Variants in GSAP observed in about 807,000 individuals in gnomAD.
GSAP encodes gamma-secretase activating protein.
GSAP carries 118 observed loss-of-function variants against 131.7 expected under a neutral mutation model. The observed-to-expected ratio is 0.90, with a 90% confidence interval of 0.77 to 1.04. GSAP has a LOEUF of 1.04. Among genes scored for constraint, GSAP ranks in the 50% least tolerant of loss-of-function variants. The pLI is 0.00. For synonymous variants in GSAP, 381 were observed against 363.4 expected (o/e 1.05, Z -0.55); for missense variants, 1,019 against 1,013.2 (o/e 1.01, Z -0.08).
At chr7:77,375,125 G>A in intron 10 of GSAP, 24 bp from the exon 11 acceptor site, 2 of 1,475,130 alleles carry the variant, frequency 1.4e-6, no homozygotes, top group Non-Finnish European at 1.9e-6. Flanking sequence ...CAAAGAAAAT[G>A]AACCCAAAAT....
chr7:77,343,794 TTC>T (rs1279824762), intron 19 of GSAP, among the ~76,000 whole-genome samples: 1 of 152,186 alleles, frequency 6.6e-6, no homozygotes, highest in Non-Finnish European at 1.5e-5. Flanking sequence ...GCCCATTCTA[TTC>T]TGTCATCATT....
intron 7 of GSAP, among the ~76,000 whole-genome samples, chr7:77,381,574 G>T (rs1202232543): frequency 6.6e-6 from 1 of 152,032 alleles, no homozygotes; most frequent in Non-Finnish European, 1.5e-5. Flanking sequence ...TTCAAGTCCT[G>T]CATTTATTCT....
chr7:77,335,617 G>C (rs1301274430), intron 19 of GSAP, among the ~76,000 whole-genome samples: 1 of 151,476 alleles, frequency 6.6e-6, no homozygotes, highest in African/African-American at 2.4e-5. Flanking sequence ...GATTTGGATT[G>C]CCAATTGATC....
At chr7:77,394,934 A>G (rs981927769) in intron 5 of GSAP, among the ~76,000 whole-genome samples, 1 of 152,246 alleles carries the variant, frequency 6.6e-6, no homozygotes, top group Non-Finnish European at 1.5e-5. Flanking sequence ...AACATGATAA[A>G]GTTGTGAGGT....
At position 77,349,243 on chromosome 7, in the gene GSAP, C is replaced by T; in HGVS notation, c.1545+108G>A. 5 of 843,354 alleles carry T rather than the reference C, an allele frequency of 5.9e-6. No homozygotes were observed. In the South Asian group the frequency reaches 7.3e-5, roughly 12 times the overall value. The allele number at this position is 843,354 out of a possible 1,614,324, so 52.2% of individuals were successfully genotyped here. A position where few individuals can be genotyped will look rare whatever the true frequency, so the allele number is the denominator to read the frequency against. On this transcript the variant is annotated intron_variant, in intron 19 of 30. Coordinates refer to ENST00000257626, the MANE Select transcript of GSAP (RefSeq NM_017439.4). ...AGAAAACCCACCCTACTGCCTTGCCCTCCCCTCCCCTGCCAATTTGCAATC... is the reference window on the plus strand; with the variant it reads ...AGAAAACCCACCCTACTGCCTTGCCTTCCCCTCCCCTGCCAATTTGCAATC...
intron 22 of GSAP, 45 bp downstream of exon 22, chr7:77,328,561 A>C: frequency 6.3e-7 from 1 of 1,596,818 alleles, no homozygotes; most frequent in Non-Finnish European, 8.5e-7. Context: ...TACAAACAAA[A>C]CACTGACTGG....
At chr7:77,320,882 C>A in intron 25 of GSAP, 63 bp from the exon 26 acceptor site, 1 of 1,000,770 alleles carries the variant, frequency 1.0e-6, no homozygotes, top group South Asian at 1.3e-5. Context: ...TCCATTTGTC[C>A]TAAGCAGTGG....
At chr7:77,327,986 T>C (rs1038712008) in intron 22 of GSAP, among the ~76,000 whole-genome samples, 4 of 152,216 alleles carry the variant, frequency 2.6e-5, no homozygotes, top group Admixed American at 2.6e-4. Flanking sequence ...CTATGTTAGG[T>C]GCTATCTGCA....
intron 19 of GSAP, among the ~76,000 whole-genome samples, chr7:77,331,636 T>C (rs1445177736): frequency 6.6e-6 from 1 of 152,214 alleles, no homozygotes; most frequent in Non-Finnish European, 1.5e-5. Context: ...GTTTGAAATG[T>C]GTTTTGGAGT....
chr7:77,367,099 G>C (rs1795437404), intron 12 of GSAP, among the ~76,000 whole-genome samples: 2 of 152,204 alleles, frequency 1.3e-5, no homozygotes, highest in Admixed American at 1.3e-4. Context: ...TGCTGAAGTT[G>C]TTTATCAGTT....
In GSAP at chr7:77,390,946, T is replaced by TTA. The variant is rs71531149; in HGVS notation, c.368-3499_368-3498insTA. Among the ~76,000 whole-genome samples the TTA allele has an allele frequency of 2.1e-3, 80 of 37,944 alleles. 4 individuals carry two copies. Among genetic ancestry groups the TTA allele is most frequent in the African/African-American group, 7.5e-3 (77 of 10,294 alleles). The allele number at this position is 37,944 out of a possible 152,430, so 24.9% of individuals were successfully genotyped here. A position where few individuals can be genotyped will look rare whatever the true frequency, so the allele number is the denominator to read the frequency against. ...CCTGGTGACAGAGCGAGACTCCGTC[T>TTA]AAAAAAAAAAAAAAAAAAAAAAAAA... On this transcript the variant is annotated intron_variant, in intron 5 of 30. Transcript: ENST00000257626.
At chr7:77,330,923 T>C in intron 19 of GSAP, 1 of 894,598 alleles carries the variant, frequency 1.1e-6, no homozygotes, top group Non-Finnish European at 1.3e-6. Flanking sequence ...GTCAGCATTC[T>C]ATCTAGATCT....
rs1187752987 is a variant in GSAP at position 77,310,832 on chromosome 7, C to G, written c.*526G>C. 6.6e-6 allele frequency: 1 copy of G among 152,168 alleles called. No individual in the cohort carries two copies. Among genetic ancestry groups the G allele is most frequent in the African/African-American group, 2.4e-5 (1 of 41,432 alleles). The allele number at this position is 152,168 out of a possible 1,614,324, so 9.4% of individuals were successfully genotyped here. On this transcript the variant is annotated 3_prime_UTR_variant, in exon 31 of 31. Coordinates refer to ENST00000257626, the MANE Select transcript of GSAP (RefSeq NM_017439.4). ...ATAAAAAAAAATAAATATGTTTCAT[C>G]TGAATTCACAAAGACAAACCCTGCT... is the stretch of plus-strand genomic sequence containing the variant.
chr7:77,381,714 T>C (rs1797840565), intron 7 of GSAP, among the ~76,000 whole-genome samples: 1 of 152,142 alleles, frequency 6.6e-6, no homozygotes, highest in African/African-American at 2.4e-5. Context: ...GCAGAGTTTA[T>C]TCTTCAATTC....
chr7:77,323,229 C>T (rs1023153149), intron 24 of GSAP, among the ~76,000 whole-genome samples: 1 of 152,148 alleles, frequency 6.6e-6, no homozygotes, highest in African/African-American at 2.4e-5. Context: ...AGTATTAATA[C>T]AAGTGAGCTA....
chr7:77,357,537 GTCCAA>G (rs1257206199), intron 14 of GSAP, among the ~76,000 whole-genome samples: 1 of 152,180 alleles, frequency 6.6e-6, no homozygotes, highest in Non-Finnish European at 1.5e-5. Context: ...AGTCAGGGGT[GTCCAA>G]TCTTTTGGGT....
Position 77,312,206 on chromosome 7 carries a change from T to C in GSAP, c.2272-4A>G. On this transcript the variant is annotated splice_region_variant and splice_polypyrimidine_tract_variant and intron_variant, in intron 28 of 30. Transcript: ENST00000257626. The stretch of plus-strand genomic sequence containing the variant: ...TACAAATCTTCTGCCCAATAAGCTA[T>C]TATGCAAATTGAAAAAAATGTAGCG... 1.3e-6 allele frequency: 2 copies of C among 1,513,702 alleles called. No homozygotes were observed. The highest frequency in any genetic ancestry group is 1.2e-5 in the South Asian group (1 of 84,016). 93.8% of individuals were successfully genotyped at this position (1,513,702 alleles called of 1,614,324 possible). A position where few individuals can be genotyped will look rare whatever the true frequency, so the allele number is the denominator to read the frequency against.
chr7:77,402,616 A>AAAAAAAAAAAAAAAAAAAAAAAAT lies in GSAP; in HGVS notation c.243+1942_243+1943insATTTTTTTTTTTTTTTTTTTTTTT, dbSNP rs375595494. ...CTCAAAAAAAAAAAAAAAAAAAAAA[A>AAAAAAAAAAAAAAAAAAAAAAAAT]GAATTTTAAAGCCCATCTAGATTTG... On this transcript the variant is annotated intron_variant, in intron 3 of 30. Coordinates refer to ENST00000257626, the MANE Select transcript of GSAP (RefSeq NM_017439.4). Among the ~76,000 whole-genome samples the AAAAAAAAAAAAAAAAAAAAAAAAT allele has an allele frequency of 6.5e-3, 521 of 80,406 alleles. 114 individuals carry two copies. The highest frequency in any genetic ancestry group is 0.011 in the Non-Finnish European group (389 of 36,788). 52.7% of individuals were successfully genotyped at this position (80,406 alleles called of 152,430 possible). A position where few individuals can be genotyped will look rare whatever the true frequency, so the allele number is the denominator to read the frequency against.
intron 5 of GSAP, among the ~76,000 whole-genome samples, chr7:77,387,702 C>T (rs1404398521): frequency 6.6e-6 from 1 of 152,192 alleles, no homozygotes; most frequent in Admixed American, 6.5e-5. Context: ...CTGCCTTCCA[C>T]ACCCTCAGGA....
Sources: allele counts gnomAD v4.1 joint callset (sites outside exome capture counted in the v4.1 genomes callset), GRCh38; gene constraint gnomAD v4.1.1; transcripts MANE v1.5; gene names NCBI Gene and HGNC (gene_info 2026-07-23, HGNC 2026-07-21).